The following MTSS1 variants were observed in gnomAD, a reference collection of about 807,000 sequenced individuals.
MTSS1 encodes the protein MTSS I-BAR domain containing 1, also known as protein MTSS 1.
Under a neutral mutation model 79.0 loss-of-function variants are expected in MTSS1, and 18 were observed. The observed-to-expected ratio is 0.23, with a 90% confidence interval of 0.16 to 0.34. MTSS1 has a LOEUF of 0.34. MTSS1 is among the 10% of genes least tolerant of loss of function. The pLI is 1.00. For synonymous variants in MTSS1, 341 were observed against 368.6 expected (o/e 0.93, Z 0.86); for missense variants, 815 against 986.2 (o/e 0.83, Z 2.33).
At chr8:124,686,216 C>G (rs1826952133) in intron 3 of MTSS1, among the ~76,000 whole-genome samples, 1 of 152,224 alleles carries the variant, frequency 6.6e-6, no homozygotes, top group African/African-American at 2.4e-5. Flanking sequence ...GCCGCCTCCC[C>G]ATCCAGCTCC....
intron 3 of MTSS1, among the ~76,000 whole-genome samples, chr8:124,670,371 GGGCGGCACCCCACACAGCCT>G (rs543904046): frequency 0.15 from 21,027 of 137,474 alleles, 2,272 homozygotes; most frequent in African/African-American, 0.27. Flanking sequence ...ACACTCAGGC[GGGCGGCACCCCACACAGCCT>G]GGCGGCACCC....
intron 3 of MTSS1, among the ~76,000 whole-genome samples, chr8:124,625,116 T>G (rs1814404999): frequency 6.6e-6 from 1 of 152,164 alleles, no homozygotes; most frequent in African/African-American, 2.4e-5. Context: ...GAAAGGAGAC[T>G]GAATGAGAAG....
chr8:124,565,648 C>G lies in MTSS1; in HGVS notation c.824+14G>C. 2 of 1,609,500 alleles carry G rather than the reference C, an allele frequency of 1.2e-6. No individual in the cohort carries two copies. The highest frequency in any genetic ancestry group is 1.7e-6 in the Non-Finnish European group (2 of 1,175,896). ...CCCGTCCTGAAAGCAAGAGTGGACCCCGGCTTCACTCACCTGCAGACACTG... is the reference window on the plus strand; with the variant it reads ...CCCGTCCTGAAAGCAAGAGTGGACCGCGGCTTCACTCACCTGCAGACACTG... On this transcript the variant is annotated intron_variant, in intron 9 of 13. Transcript: ENST00000518547.
At chr8:124,585,457 C>T (rs1473348376) in intron 5 of MTSS1, among the ~76,000 whole-genome samples, 1 of 151,826 alleles carries the variant, frequency 6.6e-6, no homozygotes, top group Non-Finnish European at 1.5e-5. Flanking sequence ...TTCTGTGGCC[C>T]AGGCTGGAGT....
intron 3 of MTSS1, among the ~76,000 whole-genome samples, chr8:124,668,920 A>G (rs180910049): frequency 2.6e-5 from 4 of 152,298 alleles, no homozygotes; most frequent in Admixed American, 6.5e-5. Context: ...TTTACCTTCA[A>G]TGATGTCCTA....
chr8:124,607,023 G>C (rs1383877816), intron 3 of MTSS1, among the ~76,000 whole-genome samples: 1 of 152,150 alleles, frequency 6.6e-6, no homozygotes, highest in Non-Finnish European at 1.5e-5. Context: ...ATCATGCTTA[G>C]CTGAATTCAG....
At chr8:124,629,505 CA>C (rs982816199) in intron 3 of MTSS1, among the ~76,000 whole-genome samples, 333 of 62,206 alleles carry the variant, frequency 5.4e-3, no homozygotes, top group African/African-American at 0.011. Context: ...GACTCCGTCT[CA>C]AAAAAAAAAA....
intron 3 of MTSS1, among the ~76,000 whole-genome samples, chr8:124,631,872 C>T (rs1307826294): frequency 6.6e-6 from 1 of 152,176 alleles, no homozygotes; most frequent in Non-Finnish European, 1.5e-5. Flanking sequence ...TCCACCCACT[C>T]GGCTCTTCCA....
intron 3 of MTSS1, among the ~76,000 whole-genome samples, chr8:124,686,226 C>T (rs746033421): frequency 2.6e-5 from 4 of 152,284 alleles, no homozygotes; most frequent in South Asian, 2.1e-4. Context: ...CATCCAGCTC[C>T]GCCTCCCTGA....
chr8:124,616,371 TAAAAAAAA>T (rs68110053), intron 3 of MTSS1, among the ~76,000 whole-genome samples: 3 of 119,618 alleles, frequency 2.5e-5, no homozygotes, highest in African/African-American at 9.1e-5. Flanking sequence ...TTTCAGGCAG[TAAAAAAAA>T]AAAAAAAAAA....
intron 3 of MTSS1, among the ~76,000 whole-genome samples, chr8:124,646,898 G>A (rs1174597970): frequency 6.6e-6 from 1 of 152,034 alleles, no homozygotes; most frequent in South Asian, 2.1e-4. Flanking sequence ...GCTCACTGCA[G>A]CCTCGAACTC....
rs559936583 is a variant in MTSS1, at chr8:124,554,342, C to T, written c.1568-650G>A. Among the ~76,000 whole-genome samples, 3 of 152,118 alleles carry T rather than the reference C, an allele frequency of 2.0e-5. No individual in the cohort carries two copies. The East Asian group carries it at 5.8e-4, about 29-fold the overall frequency. Reference sequence around the variant, plus strand: ...TATGGAGGACGTGGTGGGGAGGGGCCGTGCTGTGTATTCTGGGATGTTTAA... The same window carrying T: ...TATGGAGGACGTGGTGGGGAGGGGCTGTGCTGTGTATTCTGGGATGTTTAA... On this transcript the variant is annotated intron_variant, in intron 13 of 13. Transcript: ENST00000518547.
At chr8:124,595,716 G>C (rs532997608) in intron 3 of MTSS1, among the ~76,000 whole-genome samples, 1 of 152,212 alleles carries the variant, frequency 6.6e-6, no homozygotes, top group South Asian at 2.1e-4. Context: ...AACATTCACA[G>C]GTTCTAGGGG....
chr8:124,703,982 G>T, intron 2 of MTSS1, 148 bp downstream of exon 2: 2 of 662,404 alleles, frequency 3.0e-6, no homozygotes, highest in Non-Finnish European at 5.4e-6. Flanking sequence ...GGCTATAGGT[G>T]ATCATGCTCC....
At chr8:124,633,569 G>A (rs1023140251) in intron 3 of MTSS1, among the ~76,000 whole-genome samples, 9 of 152,088 alleles carry the variant, frequency 5.9e-5, no homozygotes, top group South Asian at 4.1e-4. Context: ...TCAGGAGTTC[G>A]AGACCAGCCT....
chr8:124,681,864 G>A (rs1826182551), intron 3 of MTSS1, among the ~76,000 whole-genome samples: 1 of 152,178 alleles, frequency 6.6e-6, no homozygotes, highest in African/African-American at 2.4e-5. Flanking sequence ...AGAGCATAGT[G>A]CCTGACACAT....
chr8:124,607,630 G>A (rs1350041729), intron 3 of MTSS1, among the ~76,000 whole-genome samples: 4 of 152,136 alleles, frequency 2.6e-5, no homozygotes, highest in Non-Finnish European at 5.9e-5. Context: ...AGCTAGACAA[G>A]CCCGAGCCTC....
chr8:124,687,848 G>A (rs9643199), intron 3 of MTSS1, among the ~76,000 whole-genome samples: 43,432 of 152,148 alleles, frequency 0.29, 6,388 homozygotes, highest in Admixed American at 0.36. Context: ...GCGTATTAAA[G>A]GTCCCTTTCT....
At chr8:124,606,076 A>AGATT (rs1467840148) in intron 3 of MTSS1, among the ~76,000 whole-genome samples, 1 of 150,898 alleles carries the variant, frequency 6.6e-6, no homozygotes, top group Non-Finnish European at 1.5e-5. Flanking sequence ...CCCAGGTTCA[A>AGATT]GAGATTCTTG....
Sources: gnomAD v4.1 joint callset for allele counts (sites outside exome capture counted in the v4.1 genomes callset) on GRCh38, gnomAD v4.1.1 for gene constraint, MANE v1.5 for transcripts, NCBI Gene and HGNC (gene_info 2026-07-23, HGNC 2026-07-21) for gene names.